The following PLCXD3 variants were observed in gnomAD, a reference collection of about 807,000 sequenced individuals.
The protein encoded by PLCXD3 is PI-PLC X domain-containing protein 3.
PLCXD3 carries 19 observed loss-of-function variants against 25.5 expected under a neutral mutation model. That is an observed-to-expected ratio of 0.75 (90% CI 0.52 to 1.09). The LOEUF is 1.09. PLCXD3 is among the 50% of genes least tolerant of loss of function. The pLI is 0.00. For missense variants in PLCXD3, 411 were observed against 388.1 expected (o/e 1.06, Z -0.50); for synonymous variants, 174 against 137.6 (o/e 1.26, Z -1.85).
chr5:41,394,316 C>T (rs1176917606), intron 1 of PLCXD3, among the ~76,000 whole-genome samples: 3 of 151,590 alleles, frequency 2.0e-5, no homozygotes, highest in African/African-American at 7.3e-5. Flanking sequence ...ACAATGAATA[C>T]ATAAAAAGTA....
intron 2 of PLCXD3, among the ~76,000 whole-genome samples, chr5:41,335,466 T>C (rs760150589): frequency 2.3e-4 from 35 of 152,138 alleles, no homozygotes; most frequent in Non-Finnish European, 4.0e-4. Flanking sequence ...GTTGGCAGGA[T>C]CGTTTTATTA....
At chr5:41,498,107 C>T (rs866468629) in intron 1 of PLCXD3, among the ~76,000 whole-genome samples, 1 of 151,162 alleles carries the variant, frequency 6.6e-6, no homozygotes, top group African/African-American at 2.4e-5. Flanking sequence ...AAAACCTTAA[C>T]CTAATTCTAT....
At chr5:41,320,852 A>T (rs1253808678) in intron 2 of PLCXD3, among the ~76,000 whole-genome samples, 1 of 152,200 alleles carries the variant, frequency 6.6e-6, no homozygotes, top group Admixed American at 6.5e-5. Flanking sequence ...AAACCATATG[A>T]TCATCTCAAT....
chr5:41,397,510 C>T (rs1471707972), intron 1 of PLCXD3, among the ~76,000 whole-genome samples: 1 of 152,158 alleles, frequency 6.6e-6, no homozygotes, highest in Non-Finnish European at 1.5e-5. Context: ...GGGTAGAGCT[C>T]TCCTAGTACA....
At chr5:41,456,546 C>T in intron 1 of PLCXD3, 2 of 940,478 alleles carry the variant, frequency 2.1e-6, no homozygotes, top group South Asian at 4.9e-5. Context: ...TCTAGACTTA[C>T]CCATTTTATT....
intron 2 of PLCXD3, among the ~76,000 whole-genome samples, chr5:41,315,140 G>A (rs2150467441): frequency 6.6e-6 from 1 of 152,236 alleles, no homozygotes; most frequent in Non-Finnish European, 1.5e-5. Flanking sequence ...TGTTAATGAT[G>A]ATGTCCAGCA....
intron 1 of PLCXD3, among the ~76,000 whole-genome samples, chr5:41,402,855 T>A (rs1746227274): frequency 6.6e-6 from 1 of 152,080 alleles, no homozygotes; most frequent in Admixed American, 6.6e-5. Context: ...TAATATCATA[T>A]CATTTTTGTA....
chr5:41,492,418 G>C (rs1417325662), intron 1 of PLCXD3, among the ~76,000 whole-genome samples: 2 of 152,012 alleles, frequency 1.3e-5, no homozygotes, highest in African/African-American at 4.8e-5. Context: ...GTGTCTTGGA[G>C]TTGCTCTTCT....
At position 41,488,233 on chromosome 5, in the gene PLCXD3, C is replaced by A. The variant is rs558921784; in HGVS notation, c.103+22191G>T. On this transcript the variant is annotated intron_variant, in intron 1 of 2. Coordinates refer to ENST00000377801, the MANE Select transcript of PLCXD3 (RefSeq NM_001005473.3). ...TGAGAATGATGATTTCCAATTTCATCCATGTCCCTACAAAGGACATGAACT... is the reference window on the plus strand; with the variant it reads ...TGAGAATGATGATTTCCAATTTCATACATGTCCCTACAAAGGACATGAACT... Among the ~76,000 whole-genome samples the A allele has an allele frequency of 6.2e-3, 927 of 148,880 alleles. 8 individuals carry two copies. Among genetic ancestry groups the A allele is most frequent in the African/African-American group, 0.021 (823 of 40,054 alleles).
intron 2 of PLCXD3, among the ~76,000 whole-genome samples, chr5:41,329,209 T>C (rs540269565): frequency 4.6e-5 from 7 of 152,324 alleles, no homozygotes; most frequent in South Asian, 4.1e-4. Flanking sequence ...GAAATTTCAG[T>C]TCTGGTCCTG....
intron 1 of PLCXD3, among the ~76,000 whole-genome samples, chr5:41,509,662 C>T (rs936184694): frequency 3.9e-5 from 6 of 152,234 alleles, no homozygotes. Flanking sequence ...CACGCAGGTT[C>T]CCCTGCCCAG....
chr5:41,320,280 T>A (rs1427290287), intron 2 of PLCXD3, among the ~76,000 whole-genome samples: 1 of 151,970 alleles, frequency 6.6e-6, no homozygotes, highest in Non-Finnish European at 1.5e-5. Context: ...ATTACCCTGA[T>A]AACAAAACCA....
At chr5:41,464,353 C>T (rs1050268562) in intron 1 of PLCXD3, among the ~76,000 whole-genome samples, 2 of 151,982 alleles carry the variant, frequency 1.3e-5, no homozygotes, top group African/African-American at 4.8e-5. Context: ...GCACCGCTAT[C>T]GGTAGACAAA....
At position 41,450,018 on chromosome 5, in the gene PLCXD3, A is replaced by T. The variant is rs113808764; in HGVS notation, c.103+60406T>A. On this transcript the variant is annotated intron_variant, in intron 1 of 2. Transcript: ENST00000377801. ...GGCTTTCTCTGGAGTAGTACACAAG[A>T]GAACAGCAATACAGTAAATACATCT... Among the ~76,000 whole-genome samples, 23 of 152,160 alleles carry T rather than the reference A, an allele frequency of 1.5e-4. 2 individuals are homozygous for T. The highest frequency in any genetic ancestry group is 5.5e-4 in the African/African-American group (23 of 41,506).
chr5:41,399,036 G>T (rs1157767543), intron 1 of PLCXD3, among the ~76,000 whole-genome samples: 2 of 152,016 alleles, frequency 1.3e-5, no homozygotes, highest in African/African-American at 4.8e-5. Flanking sequence ...CAAAAAAAAA[G>T]TAGCATTTCT....
intron 1 of PLCXD3, chr5:41,475,790 AC>A (rs922135681): frequency 1.3e-5 from 7 of 522,284 alleles, no homozygotes; most frequent in African/African-American, 1.2e-4. Context: ...TGCTGTTACT[AC>A]TTGAGACCAT....
intron 1 of PLCXD3, among the ~76,000 whole-genome samples, chr5:41,451,887 C>A (rs1747640955): frequency 6.6e-6 from 1 of 151,990 alleles, no homozygotes; most frequent in Non-Finnish European, 1.5e-5. Context: ...GGATTGGAGG[C>A]TTCCCAAGGC....
intron 1 of PLCXD3, among the ~76,000 whole-genome samples, chr5:41,496,964 G>T (rs1048959273): frequency 2.6e-5 from 4 of 151,494 alleles, no homozygotes; most frequent in Non-Finnish European, 4.4e-5. Flanking sequence ...GAGAAGTAGG[G>T]GTTTTTGTAT....
intron 1 of PLCXD3, among the ~76,000 whole-genome samples, chr5:41,422,314 G>A (rs1746848093): frequency 1.3e-5 from 2 of 152,178 alleles, no homozygotes; most frequent in Non-Finnish European, 2.9e-5. Context: ...GGAGCATAAT[G>A]TGGAGGTAAG....
Sources: gnomAD v4.1 joint callset for allele counts (sites outside exome capture counted in the v4.1 genomes callset) on GRCh38, gnomAD v4.1.1 for gene constraint, MANE v1.5 for transcripts, NCBI Gene and HGNC (gene_info 2026-07-23, HGNC 2026-07-21) for gene names.